SEL1L3: variants seen among roughly 807,000 people sequenced by gnomAD.
The protein encoded by SEL1L3 is protein sel-1 homolog 3.
Under a neutral mutation model 142.8 loss-of-function variants are expected in SEL1L3, and 76 were observed. The observed-to-expected ratio is 0.53, with a 90% CI of 0.44 to 0.64. The LOEUF (loss-of-function observed/expected upper bound fraction) is 0.64. Among genes scored for constraint, SEL1L3 ranks in the 30% least tolerant of loss-of-function variants. The pLI is 0.00. For synonymous variants in SEL1L3, 504 were observed against 519.6 expected, an observed-to-expected ratio of 0.97 and a Z score of 0.41; for missense variants, 1,262 against 1,381.7, an observed-to-expected ratio of 0.91 and a Z score of 1.37.
At chr4:25,839,434 T>C (rs1560347534) in intron 2 of SEL1L3, among the ~76,000 whole-genome samples, 1 of 152,306 alleles carries the variant, frequency 6.6e-6, no homozygotes, top group East Asian at 1.9e-4. Context: ...AGCAACAGCA[T>C]GATCATCAGC....
chr4:25,839,371 A>G (rs1051955985), intron 2 of SEL1L3, among the ~76,000 whole-genome samples: 6 of 152,232 alleles, frequency 3.9e-5, no homozygotes, highest in Non-Finnish European at 5.9e-5. Flanking sequence ...CATGCTTATG[A>G]GTGTGCACAG....
chr4:25,775,079 G>C (rs1232572985), intron 17 of SEL1L3, among the ~76,000 whole-genome samples: 1 of 152,214 alleles, frequency 6.6e-6, no homozygotes, highest in African/African-American at 2.4e-5. Context: ...GCGAGAAGCA[G>C]AGAATGAGTT....
chr4:25,808,356 A>G (rs1440033998), intron 9 of SEL1L3, among the ~76,000 whole-genome samples: 1 of 152,170 alleles, frequency 6.6e-6, no homozygotes, highest in Non-Finnish European at 1.5e-5. Flanking sequence ...GCCCAGAATC[A>G]TTTATTTTGC....
At chr4:25,733,869 T>G in the SEL1L3 span, among the ~76,000 whole-genome samples, 1 of 152,174 alleles carries the variant, frequency 6.6e-6, no homozygotes, top group African/African-American at 2.4e-5. Flanking sequence ...GGACTGGCCA[T>G]AGCAGACATC....
At chr4:25,785,728 AG>A (rs1343478788) in intron 13 of SEL1L3, among the ~76,000 whole-genome samples, 1 of 152,142 alleles carries the variant, frequency 6.6e-6, no homozygotes, top group Non-Finnish European at 1.5e-5. Flanking sequence ...TGGAGAGGGG[AG>A]GAGACAAGCT....
chr4:25,808,507 G>C (rs970996778), intron 9 of SEL1L3, among the ~76,000 whole-genome samples: 2 of 152,146 alleles, frequency 1.3e-5, no homozygotes, highest in Admixed American at 6.5e-5. Context: ...GAGAATTCAG[G>C]AGCAGAAAGG....
At position 25,821,989 on chromosome 4, in the gene SEL1L3, G is replaced by A. The variant is rs778193159; in HGVS notation, c.1290+7C>T. ...GTACCGCAATCTTCCTGATCCCCTG[G>A]ACTCACCTGGGCGGGGTGCAGACTG... On this transcript the variant is annotated splice_region_variant and intron_variant, in intron 7 of 23. Coordinates refer to ENST00000399878, the MANE Select transcript of SEL1L3 (RefSeq NM_015187.5). 6 of 1,612,600 alleles carry A rather than the reference G, an allele frequency of 3.7e-6. No individual in the cohort carries two copies. The Middle Eastern group carries it at 5.1e-4, about 138-fold the overall frequency.
rs561378980 is a variant in SEL1L3, at chr4:25,751,194, C to G, written c.3260-2630G>C. On this transcript the variant is annotated intron_variant, in intron 23 of 23. Transcript: ENST00000399878. ...TTTGGGATTTTTTGTTTTTCAAAAGCCTGATCCATTAAGGCAATTATGCTT... is the reference window on the plus strand; with the variant it reads ...TTTGGGATTTTTTGTTTTTCAAAAGGCTGATCCATTAAGGCAATTATGCTT... Among the ~76,000 whole-genome samples, 9 of 152,168 alleles carry G rather than the reference C, an allele frequency of 5.9e-5. No homozygotes were observed. In the South Asian group the frequency reaches 1.9e-3, roughly 32 times the overall value.
intron 6 of SEL1L3, among the ~76,000 whole-genome samples, chr4:25,825,464 T>C (rs541011577): frequency 1.3e-5 from 2 of 151,684 alleles, no homozygotes; most frequent in African/African-American, 4.8e-5. Flanking sequence ...CATAGGAGAG[T>C]GCCCTGGTTT....
chr4:25,714,544 CTT>C, the SEL1L3 span, among the ~76,000 whole-genome samples: 1 of 116,834 alleles, frequency 8.6e-6, no homozygotes, highest in Admixed American at 8.8e-5. Flanking sequence ...TTCTTTCTTT[CTT>C]TCTTTCTTCT....
At chr4:25,802,774 G>A (rs947943215) in intron 10 of SEL1L3, among the ~76,000 whole-genome samples, 8 of 151,984 alleles carry the variant, frequency 5.3e-5, no homozygotes, top group Non-Finnish European at 7.4e-5. Context: ...GTAGAGATGG[G>A]ATTTCACCGT....
At chr4:25,820,449 T>C (rs80057505) in intron 7 of SEL1L3, among the ~76,000 whole-genome samples, 1 of 152,146 alleles carries the variant, frequency 6.6e-6, no homozygotes, top group African/African-American at 2.4e-5. Context: ...CCCAAACACA[T>C]CTGAATTAAA....
chr4:25,764,389 A>G (rs1718580643), intron 20 of SEL1L3, among the ~76,000 whole-genome samples: 1 of 152,244 alleles, frequency 6.6e-6, no homozygotes, highest in Non-Finnish European at 1.5e-5. Flanking sequence ...CTGTCCCAAC[A>G]TTAATATCTT....
chr4:25,861,033 G>T (rs1477328105), intron 1 of SEL1L3, among the ~76,000 whole-genome samples: 1 of 152,182 alleles, frequency 6.6e-6, no homozygotes, highest in African/African-American at 2.4e-5. Flanking sequence ...CTGTCCAGAA[G>T]TAGTCCCCCT....
intron 1 of SEL1L3, among the ~76,000 whole-genome samples, 198 bp from the exon 2 acceptor site, chr4:25,848,062 A>C (rs185161706): frequency 1.3e-5 from 2 of 152,366 alleles, no homozygotes; most frequent in East Asian, 3.9e-4. Flanking sequence ...AAGGAAGATG[A>C]GGCCACATTA....
intron 10 of SEL1L3, among the ~76,000 whole-genome samples, 162 bp downstream of exon 10, chr4:25,804,379 A>G (rs1713405602): frequency 6.6e-6 from 1 of 152,214 alleles, no homozygotes; most frequent in South Asian, 2.1e-4. Context: ...AAAGCAAAGG[A>G]TCCTGTATTT....
chr4:25,852,573 G>A (rs1716977562), intron 1 of SEL1L3, among the ~76,000 whole-genome samples: 1 of 152,198 alleles, frequency 6.6e-6, no homozygotes, highest in Non-Finnish European at 1.5e-5. Flanking sequence ...CCAGCCAATG[G>A]GTGGCCAACA....
chr4:25,854,751 T>A (rs1717128791), intron 1 of SEL1L3, among the ~76,000 whole-genome samples: 1 of 152,188 alleles, frequency 6.6e-6, no homozygotes, highest in South Asian at 2.1e-4. Context: ...GGTTCCCTGG[T>A]GGAGAGTGTT....
At chr4:25,855,110 C>T (rs1717166414) in intron 1 of SEL1L3, among the ~76,000 whole-genome samples, 2 of 152,222 alleles carry the variant, frequency 1.3e-5, no homozygotes, top group Admixed American at 6.5e-5. Flanking sequence ...CACCACGAGT[C>T]GTGGCTACCT....
Sources: allele counts gnomAD v4.1 joint callset (sites outside exome capture counted in the v4.1 genomes callset), GRCh38; gene constraint gnomAD v4.1.1; transcripts MANE v1.5; gene names NCBI Gene and HGNC (gene_info 2026-07-23, HGNC 2026-07-21).